The following CDH23 variants were observed in gnomAD, a reference collection of about 807,000 sequenced individuals.
CDH23 encodes cadherin-23.
Under a neutral mutation model 317.1 loss-of-function variants are expected in CDH23, and 189 were observed. The observed-to-expected ratio is 0.60, with a 90% confidence interval of 0.53 to 0.67. The LOEUF is 0.67. CDH23 is among the 30% of genes least tolerant of loss of function. The probability of loss-of-function intolerance (pLI) is 0.00; values close to 1 mark genes in which losing one functional copy is unlikely to be tolerated. For synonymous variants in CDH23, 1,839 were observed against 1,876.8 expected (o/e 0.98, Z 0.52); for missense variants, 4,401 against 4,592.4 (o/e 0.96, Z 1.20).
intron 3 of CDH23, among the ~76,000 whole-genome samples, chr10:71,483,737 C>T (rs550275035): frequency 6.6e-6 from 1 of 152,194 alleles, no homozygotes; most frequent in Non-Finnish European, 1.5e-5. Flanking sequence ...CAATCCTACA[C>T]CCATTTTTCA....
At chr10:71,764,877 T>C (rs113959436) in intron 38 of CDH23, among the ~76,000 whole-genome samples, 25 of 152,306 alleles carry the variant, frequency 1.6e-4, no homozygotes, top group African/African-American at 5.8e-4. Context: ...AGCCTGGCAG[T>C]GCAGGGACTA....
At chr10:71,773,252 C>T in intron 38 of CDH23, 2 of 1,309,838 alleles carry the variant, frequency 1.5e-6, no homozygotes, top group African/African-American at 3.0e-5. Context: ...GGTGCACGGT[C>T]ACACAGGCTG....
chr10:71,748,586 C>T (rs1040132576), intron 38 of CDH23: 3 of 152,368 alleles, frequency 2.0e-5, no homozygotes, highest in Middle Eastern at 3.4e-3. Flanking sequence ...CCTGATTGAT[C>T]TCCTAACAAT....
intron 18 of CDH23, among the ~76,000 whole-genome samples, chr10:71,687,002 T>C (rs1028049523): frequency 3.3e-5 from 5 of 152,188 alleles, no homozygotes; most frequent in East Asian, 1.9e-4. Flanking sequence ...GCTCTGGCTA[T>C]TGGCAAAGGC....
rs763920808 is a variant in CDH23, at chr10:71,677,447, C to T, written c.1515-9C>T. 2 of 1,596,710 alleles carry T rather than the reference C, an allele frequency of 1.3e-6. No individual in the cohort carries two copies. Among genetic ancestry groups the T allele is most frequent in the South Asian group, 1.1e-5 (1 of 88,154 alleles). On this transcript the variant is annotated splice_polypyrimidine_tract_variant and intron_variant, in intron 15 of 69. Coordinates refer to ENST00000224721, the MANE Select transcript of CDH23 (RefSeq NM_022124.6). ...TGTTCCTTCTCTCCATCCTCTCGGC[C>T]TGGCACAGGTTCTCGCTGGACAAGG... is the stretch of plus-strand genomic sequence containing the variant.
chr10:71,420,789 C>T (rs979036851), intron 1 of CDH23, among the ~76,000 whole-genome samples: 2 of 152,144 alleles, frequency 1.3e-5, no homozygotes, highest in African/African-American at 2.4e-5. Flanking sequence ...TGCAAGCTCA[C>T]ATAGCAAGTT....
intron 3 of CDH23, among the ~76,000 whole-genome samples, chr10:71,479,266 C>T (rs758319175): frequency 6.6e-6 from 1 of 152,174 alleles, no homozygotes; most frequent in East Asian, 1.9e-4. Flanking sequence ...GAAGGGGGAG[C>T]GAAGGCAGAG....
Position 71,698,539 on chromosome 10 carries a change from C to T in CDH23, c.2397+3014C>T, listed in dbSNP as rs572205861. 1.8e-4 allele frequency among the ~76,000 whole-genome samples: 28 copies of T among 152,204 alleles called. 2 individuals are homozygous for T. In the South Asian group the frequency reaches 5.6e-3, roughly 30 times the overall value. ...CACACCCACCGCACACACCCACGCC[C>T]ACAACCACCACCCATCCCCAACACA... On this transcript the variant is annotated intron_variant, in intron 22 of 69. Transcript: ENST00000224721.
chr10:71,571,095 A>G (rs1211150000), intron 8 of CDH23, among the ~76,000 whole-genome samples, 177 bp downstream of exon 8: 2 of 152,098 alleles, frequency 1.3e-5, no homozygotes. Flanking sequence ...TCTTCACACC[A>G]CGCCCATCTC....
At chr10:71,759,888 T>TATATACACACACACACATAC (rs1211461244) in intron 38 of CDH23, among the ~76,000 whole-genome samples, 2 of 29,944 alleles carry the variant, frequency 6.7e-5, no homozygotes, top group African/African-American at 1.5e-4. Flanking sequence ...CACACACATA[T>TATATACACACACACACATAC]ACACACACAC....
At chr10:71,728,847 A>G (rs1373412555) in intron 30 of CDH23, among the ~76,000 whole-genome samples, 1 of 151,884 alleles carries the variant, frequency 6.6e-6, no homozygotes, top group Non-Finnish European at 1.5e-5. Context: ...GGGATTACAG[A>G]TGCATGTCAC....
intron 6 of CDH23, among the ~76,000 whole-genome samples, chr10:71,530,285 G>C (rs563871733): frequency 5.2e-4 from 79 of 152,290 alleles, no homozygotes; most frequent in African/African-American, 1.8e-3. Flanking sequence ...GGCCAGGCTG[G>C]GTGAGGAGAG....
chr10:71,672,917 C>T (rs1407092381), intron 14 of CDH23, among the ~76,000 whole-genome samples: 1 of 152,138 alleles, frequency 6.6e-6, no homozygotes, highest in East Asian at 1.9e-4. Flanking sequence ...GCAGCACACC[C>T]CCCATGACCC....
chr10:71,753,007 GGACA>G (rs1478107004), intron 38 of CDH23: 2 of 1,612,656 alleles, frequency 1.2e-6, no homozygotes, highest in South Asian at 2.2e-5. Flanking sequence ...GGGCACCTAG[GGACA>G]GACAGACAGA....
chr10:71,666,543 C>A (rs1309431618), intron 14 of CDH23, among the ~76,000 whole-genome samples: 2 of 152,192 alleles, frequency 1.3e-5, no homozygotes, highest in Non-Finnish European at 2.9e-5. Context: ...GCCCTGGCTT[C>A]CTTCTCAGAT....
chr10:71,726,490 C>T (rs1482964510), intron 30 of CDH23, among the ~76,000 whole-genome samples: 2 of 152,214 alleles, frequency 1.3e-5, no homozygotes, highest in African/African-American at 2.4e-5. Context: ...GCTGACACCT[C>T]CAACGCTTTG....
At chr10:71,513,458 C>T (rs1854107657) in intron 6 of CDH23, among the ~76,000 whole-genome samples, 1 of 152,178 alleles carries the variant, frequency 6.6e-6, no homozygotes, top group South Asian at 2.1e-4. Flanking sequence ...AGGCCCCTGC[C>T]CTTTAGAGTG....
chr10:71,464,599 G>C (rs1589106050), intron 3 of CDH23, among the ~76,000 whole-genome samples: 1 of 151,816 alleles, frequency 6.6e-6, no homozygotes. Flanking sequence ...CACTATGCTG[G>C]AGCCTGGGTG....
At chr10:71,645,647 C>T (rs1862806375) in intron 12 of CDH23, 184 bp from the exon 13 acceptor site, 1 of 775,050 alleles carries the variant, frequency 1.3e-6, no homozygotes, top group South Asian at 1.4e-5. Context: ...AGGGCCTAGA[C>T]ATGGGTGGGT....
Sources: allele counts gnomAD v4.1 joint callset (sites outside exome capture counted in the v4.1 genomes callset), GRCh38; gene constraint gnomAD v4.1.1; transcripts MANE v1.5; gene names NCBI Gene and HGNC (gene_info 2026-07-23, HGNC 2026-07-21).